Variants in ZNF608 observed in about 807,000 individuals in gnomAD.
ZNF608 encodes renal carcinoma antigen NY-REN-36.
A neutral mutation model predicts 109.0 loss-of-function variants in ZNF608; 12 were observed. That is an observed-to-expected ratio of 0.11 (90% CI 0.07 to 0.18). ZNF608 has a LOEUF of 0.18. Ranked by LOEUF, ZNF608 falls within the 10% of genes least tolerant of loss-of-function variation. ZNF608 has a pLI of 1.00. For missense variants in ZNF608, 1,707 were observed against 1,879.3 expected (o/e 0.91, Z 1.70); for synonymous variants, 732 against 717.4 (o/e 1.02, Z -0.33).
At chr5:124,679,683 GAGAAGAAAA>G (rs1752113039) in intron 3 of ZNF608, among the ~76,000 whole-genome samples, 1 of 152,242 alleles carries the variant, frequency 6.6e-6, no homozygotes, top group Non-Finnish European at 1.5e-5. Context: ...TTTCTAGGCT[GAGAAGAAAA>G]ACTTGAAAAT....
intron 2 of ZNF608, among the ~76,000 whole-genome samples, chr5:124,741,806 T>C (rs1398602683): frequency 2.0e-5 from 3 of 152,128 alleles, no homozygotes; most frequent in Non-Finnish European, 4.4e-5. Flanking sequence ...TTAAGAGAAG[T>C]CATTCTCAGG....
chr5:124,670,560 C>T (rs1051453367), intron 3 of ZNF608, among the ~76,000 whole-genome samples: 1 of 152,152 alleles, frequency 6.6e-6, no homozygotes, highest in Non-Finnish European at 1.5e-5. Flanking sequence ...CCAGGGATGC[C>T]TATGTATGAC....
chr5:124,668,402 A>G (rs1262287379), intron 3 of ZNF608, among the ~76,000 whole-genome samples: 4 of 151,574 alleles, frequency 2.6e-5, no homozygotes. Flanking sequence ...CACAGAAAAA[A>G]AAAAATCACG....
intron 1 of ZNF608, 170 bp from the exon 2 acceptor site, chr5:124,745,342 G>C (rs373983339): frequency 3.0e-6 from 1 of 333,734 alleles, no homozygotes; most frequent in East Asian, 1.0e-4. Context: ...AACCAAACCC[G>C]AAAAATAAAC....
chr5:124,721,888 G>C (rs1753919201), intron 2 of ZNF608, among the ~76,000 whole-genome samples: 1 of 132,082 alleles, frequency 7.6e-6, no homozygotes, highest in Admixed American at 9.0e-5. Flanking sequence ...GTTACAGTGA[G>C]CCGAGATCGT....
chr5:124,641,843 T>C (rs766673386), intron 7 of ZNF608, among the ~76,000 whole-genome samples: 1 of 152,172 alleles, frequency 6.6e-6, no homozygotes, highest in Non-Finnish European at 1.5e-5. Context: ...TACATTTTGT[T>C]CTACTGAAAA....
At position 124,701,219 on chromosome 5, in the gene ZNF608, A is replaced by G. The variant is rs1489410170; in HGVS notation, c.957T>C (p.Ser319=). ...VPAPPPPISS[S]LTPQILPSYF... is the part of the protein sequence containing the mutation. ...AGGAGGGTAGAATCTGAGGCGTGAGACTGCTGGAAATCGGCGGTGGTGGCG... is the reference window on the plus strand; with the variant it reads ...AGGAGGGTAGAATCTGAGGCGTGAGGCTGCTGGAAATCGGCGGTGGTGGCG... Residue 319 remains serine (S), a synonymous_variant, in exon 3 of 10, where the codon AGT becomes AGC. Coordinates refer to ENST00000513986, the MANE Select transcript of ZNF608 (RefSeq NM_020747.3). 1.9e-6 allele frequency: 3 copies of G among 1,614,050 alleles called. No individual in the cohort carries two copies.
intron 8 of ZNF608, among the ~76,000 whole-genome samples, chr5:124,640,782 A>C (rs1750202663): frequency 6.6e-6 from 1 of 152,236 alleles, no homozygotes; most frequent in Admixed American, 6.5e-5. Context: ...AGGGCTGTGA[A>C]GAACCCTCGA....
At chr5:124,662,181 A>G (rs146649198) in intron 3 of ZNF608, among the ~76,000 whole-genome samples, 1 of 152,340 alleles carries the variant, frequency 6.6e-6, no homozygotes, top group Non-Finnish European at 1.5e-5. Flanking sequence ...GTCTTCTTCA[A>G]TTGACGTTTG....
At position 124,744,814 on chromosome 5, in the gene ZNF608, C is replaced by T; in HGVS notation, c.176G>A (p.Ser59Asn). Residue 59 changes from serine (S) to asparagine (N), a missense_variant, in exon 2 of 10, where the codon AGC (serine) becomes AAC (asparagine). By Grantham distance (46) the Ser-to-Asn change is conservative. Around this residue, in one of 7 missense-constraint regions of ZNF608, gnomAD observed 407 missense variants for 398.7 expected, o/e 1.02. Transcript: ENST00000513986. This position sits in a 1 kb window ranked among gnomAD's most constrained non-coding sequence, Gnocchi z 4.5. ...ACCTCCACAATCCTTGGAGTTGCTG[C>T]TACTAGTGGTGGTGGTGGAATTATT... is the stretch of plus-strand genomic sequence containing the variant. The part of the protein sequence containing the change: ...EMNNSTTTTS[S>N]SNSKDCGGPA... 6.2e-7 allele frequency: 1 copy of T among 1,614,230 alleles called. No individual in the cohort carries two copies. The highest frequency in any genetic ancestry group is 8.5e-7 in the Non-Finnish European group (1 of 1,180,042).
chr5:124,641,378 C>T lies in ZNF608; in HGVS notation c.4324G>A (p.Glu1442Lys). 4.3e-6 allele frequency: 7 copies of T among 1,613,940 alleles called. No individual in the cohort carries two copies. Among genetic ancestry groups the T allele is most frequent in the Non-Finnish European group, 5.9e-6 (7 of 1,179,912 alleles). Residue 1442 changes from glutamate (E) to lysine (K), a missense_variant, in exon 8 of 10, where the codon GAA becomes AAA. Transcript: ENST00000513986. ...TCCCTTTCCCTTTCTGCCTCCCGTTCCCGCTCAGCTGTAGCCTTTTCCACA... is the reference window on the plus strand; with the variant it reads ...TCCCTTTCCCTTTCTGCCTCCCGTTTCCGCTCAGCTGTAGCCTTTTCCACA... The part of the protein sequence containing the change: ...APVEKATAER[E>K]REAERERDRH...
At chr5:124,653,792 G>A (rs1750893721) in intron 3 of ZNF608, among the ~76,000 whole-genome samples, 1 of 152,194 alleles carries the variant, frequency 6.6e-6, no homozygotes, top group African/African-American at 2.4e-5. Flanking sequence ...GGCAATAGGA[G>A]TAGAAGCCTA....
intron 3 of ZNF608, among the ~76,000 whole-genome samples, chr5:124,653,196 TG>T (rs1394834610): frequency 6.6e-6 from 1 of 152,226 alleles, no homozygotes; most frequent in Non-Finnish European, 1.5e-5. Context: ...CTTTCTTCTT[TG>T]TACTGTTAAC....
chr5:124,687,168 A>T (rs1308552350), intron 3 of ZNF608, among the ~76,000 whole-genome samples: 1 of 152,250 alleles, frequency 6.6e-6, no homozygotes, highest in African/African-American at 2.4e-5. Flanking sequence ...ATAATATTAG[A>T]TAAAACTAGA....
intron 2 of ZNF608, among the ~76,000 whole-genome samples, chr5:124,709,066 G>C (rs993989026): frequency 6.6e-6 from 1 of 151,286 alleles, no homozygotes; most frequent in African/African-American, 2.4e-5. Context: ...AGCTACTCGG[G>C]AGGCTGAGGC....
intron 2 of ZNF608, among the ~76,000 whole-genome samples, chr5:124,741,394 G>GA (rs34192958): frequency 0.041 from 2,797 of 68,358 alleles, 258 homozygotes; most frequent in East Asian, 0.13. Flanking sequence ...CTTCCAACCA[G>GA]AAAAAAAAAA....
chr5:124,684,281 T>G (rs547575858), intron 3 of ZNF608, among the ~76,000 whole-genome samples: 7 of 152,314 alleles, frequency 4.6e-5, no homozygotes, highest in Non-Finnish European at 1.0e-4. Context: ...TTAACACTCC[T>G]TTGCTACCTG....
chr5:124,702,502 T>G (rs976720894), intron 2 of ZNF608, among the ~76,000 whole-genome samples: 1 of 23,246 alleles, frequency 4.3e-5, no homozygotes, highest in Non-Finnish European at 9.4e-5. Context: ...TGGGTTTTGG[T>G]TTTTTTTTTT....
chr5:124,644,674 T>C lies in ZNF608; in HGVS notation c.3706-13A>G. 1 of 1,524,030 alleles carries C rather than the reference T, an allele frequency of 6.6e-7. No individual in the cohort carries two copies. The highest frequency in any genetic ancestry group is 8.8e-7 in the Non-Finnish European group (1 of 1,138,580). The allele number at this position is 1,524,030 out of a possible 1,614,324, so 94.4% of individuals were successfully genotyped here. On this transcript the variant is annotated splice_polypyrimidine_tract_variant and intron_variant, in intron 5 of 9. Transcript: ENST00000513986. ...TTGAATCTGGGTCCTGATTTTTTTGTTTTAAAGAAAAAAAACCCAACAGAT... is the reference window on the plus strand; with the variant it reads ...TTGAATCTGGGTCCTGATTTTTTTGCTTTAAAGAAAAAAAACCCAACAGAT...
Sources: allele counts gnomAD v4.1 joint callset (sites outside exome capture counted in the v4.1 genomes callset), GRCh38; gene constraint gnomAD v4.1.1; regional missense constraint gnomAD v4.1.1; non-coding constraint Gnocchi (gnomAD v3.1); transcripts MANE v1.5; gene names NCBI Gene and HGNC (gene_info 2026-07-23, HGNC 2026-07-21).